The following ETNK1 variants were observed in gnomAD, a reference collection of about 807,000 sequenced individuals.
The protein encoded by ETNK1 is ethanolamine kinase 1.
In ETNK1, 8 loss-of-function variants were observed where a neutral mutation model predicts 45.1. The observed-to-expected ratio is 0.18, with a 90% CI of 0.10 to 0.32. The LOEUF (loss-of-function observed/expected upper bound fraction) is 0.32, where lower values mean the gene tolerates loss of function less well. Among genes scored for constraint, ETNK1 ranks in the 10% least tolerant of loss-of-function variants. The pLI is 1.00. For synonymous variants in ETNK1, 152 were observed against 151.9 expected (o/e 1.00, Z -0.01); for missense variants, 302 against 430.6 (o/e 0.70, Z 2.64).
chr12:22,639,882 T>C (rs1953712714), intron 1 of ETNK1, among the ~76,000 whole-genome samples: 3 of 152,218 alleles, frequency 2.0e-5, no homozygotes, highest in South Asian at 4.1e-4. Flanking sequence ...CTGAATACTT[T>C]TTCTGTTGTA....
chr12:22,658,355 C>T (rs1486852768), intron 2 of ETNK1, among the ~76,000 whole-genome samples: 1 of 152,150 alleles, frequency 6.6e-6, no homozygotes, highest in Non-Finnish European at 1.5e-5. Context: ...GAATTCTTGC[C>T]AGCTTCAGTG....
rs1953972951 is a variant in ETNK1 at position 22,659,058 on chromosome 12, A to C, written c.461A>C (p.His154Pro). ...GCTAAAATCCATGCTATTCATGCAC[A>C]CAATGGCTGGATCCCCAAATCTAAT... is the stretch of plus-strand genomic sequence containing the variant. The part of the protein sequence containing the change: ...QLAKIHAIHA[H>P]NGWIPKSNLW... Residue 154 changes from histidine to proline, a missense_variant, in exon 3 of 8, where the codon CAC becomes CCC. His to Pro is a moderately conservative substitution (Grantham distance 77). Coordinates refer to ENST00000266517, the MANE Select transcript of ETNK1 (RefSeq NM_018638.5). 6.2e-7 allele frequency: 1 copy of C among 1,613,950 alleles called. No individual in the cohort carries two copies. Among genetic ancestry groups the C allele is most frequent in the Non-Finnish European group, 8.5e-7 (1 of 1,179,958 alleles).
chr12:22,667,154 AAG>A (rs1425863700), intron 4 of ETNK1, among the ~76,000 whole-genome samples: 1 of 152,190 alleles, frequency 6.6e-6, no homozygotes, highest in Non-Finnish European at 1.5e-5. Context: ...GTTATGAAGA[AAG>A]AGTGACCTAA....
At position 22,685,302 on chromosome 12, in the gene ETNK1, T is replaced by C. The variant is rs998675868; in HGVS notation, c.*348T>C. ...TTTTCTCTGTTTCACGTTCGTTGAGTGTAAGCAATGAAAATGTCCCAAATA... is the reference window on the plus strand; with the variant it reads ...TTTTCTCTGTTTCACGTTCGTTGAGCGTAAGCAATGAAAATGTCCCAAATA... On this transcript the variant is annotated 3_prime_UTR_variant, in exon 8 of 8. Coordinates refer to ENST00000266517, the MANE Select transcript of ETNK1 (RefSeq NM_018638.5). 10 of 170,778 alleles carry C rather than the reference T, an allele frequency of 5.9e-5. No individual in the cohort carries two copies. The highest frequency in any genetic ancestry group is 4.4e-4 in the Admixed American group (7 of 16,036). 10.6% of individuals were successfully genotyped at this position (170,778 alleles called of 1,614,324 possible). A position where few individuals can be genotyped will look rare whatever the true frequency, so the allele number is the denominator to read the frequency against.
chr12:22,625,464 C>A lies in ETNK1; in HGVS notation c.34C>A (p.Pro12Thr). ...ANYIHVPPGS[P>T]EVPKLNVTVQ... is the part of the protein sequence containing the mutation. ...TTACATCCACGTCCCTCCCGGCTCC[C>A]CGGAGGTGCCCAAGCTGAACGTCAC... The change falls in exon 1 of 8, where the codon CCG becomes ACG. Residue 12 changes from proline to threonine, a missense_variant. By Grantham distance (38) the Pro-to-Thr change is conservative. Transcript: ENST00000266517. 6.2e-7 allele frequency: 1 copy of A among 1,600,120 alleles called. No individual in the cohort carries two copies. Among genetic ancestry groups the A allele is most frequent in the Non-Finnish European group, 8.5e-7 (1 of 1,173,868 alleles).
chr12:22,670,902 T>C (rs1466720875), intron 4 of ETNK1, among the ~76,000 whole-genome samples: 4 of 152,240 alleles, frequency 2.6e-5, no homozygotes, highest in Non-Finnish European at 4.4e-5. Context: ...CACAGATTAT[T>C]AGTAATTTCC....
In ETNK1 at chr12:22,690,300, T is replaced by C. The variant is rs1256102065; in HGVS notation, c.*5346T>C. 1 of 152,546 alleles carries C rather than the reference T, an allele frequency of 6.6e-6. No individual in the cohort carries two copies. The highest frequency in any genetic ancestry group is 1.5e-5 in the Non-Finnish European group (1 of 67,944). 9.4% of individuals were successfully genotyped at this position (152,546 alleles called of 1,614,324 possible). A position where few individuals can be genotyped will look rare whatever the true frequency, so the allele number is the denominator to read the frequency against. ...ATCTGTCTGAGAATTTGTTAATCTG[T>C]TTGATAATGAAGATACTTCCTGTTT... On this transcript the variant is annotated 3_prime_UTR_variant, in exon 8 of 8. Transcript: ENST00000266517.
intron 6 of ETNK1, among the ~76,000 whole-genome samples, chr12:22,675,420 A>G (rs1954150516): frequency 6.6e-6 from 1 of 151,802 alleles, no homozygotes; most frequent in African/African-American, 2.4e-5. Context: ...CAGTGGTACG[A>G]TCATAGCTCA....
At chr12:22,635,092 C>G (rs1434650631) in intron 1 of ETNK1, among the ~76,000 whole-genome samples, 1 of 152,224 alleles carries the variant, frequency 6.6e-6, no homozygotes, top group Admixed American at 6.5e-5. Context: ...CTTTCCACCC[C>G]TTCTCACCAA....
In ETNK1 at chr12:22,690,456, C is replaced by G. The variant is rs911003512; in HGVS notation, c.*5502C>G. ...ATTAAAAACAGCCTCATTCATGTAACTGGTTAAGTAAAAATACATTTTCAC... is the reference window on the plus strand; with the variant it reads ...ATTAAAAACAGCCTCATTCATGTAAGTGGTTAAGTAAAAATACATTTTCAC... On this transcript the variant is annotated 3_prime_UTR_variant, in exon 8 of 8. Transcript: ENST00000266517. 1.3e-5 allele frequency: 2 copies of G among 152,484 alleles called. No individual in the cohort carries two copies. The highest frequency in any genetic ancestry group is 2.4e-5 in the African/African-American group (1 of 41,422). The allele number at this position is 152,484 out of a possible 1,614,324, so 9.4% of individuals were successfully genotyped here. A position where few individuals can be genotyped will look rare whatever the true frequency, so the allele number is the denominator to read the frequency against.
At chr12:22,644,118 T>C in intron 2 of ETNK1, 96 bp downstream of exon 2, 1 of 1,484,428 alleles carries the variant, frequency 6.7e-7, no homozygotes, top group African/African-American at 1.4e-5. Flanking sequence ...TGAGCAACTA[T>C]TTGGTTAACT....
intron 1 of ETNK1, 195 bp downstream of exon 1, chr12:22,625,781 GAGAT>G: frequency 1.2e-6 from 1 of 824,284 alleles, no homozygotes; most frequent in South Asian, 1.4e-5. Context: ...GTTGCTCTTT[GAGAT>G]TGACCTGAGG....
intron 6 of ETNK1, among the ~76,000 whole-genome samples, chr12:22,680,826 A>G (rs1402004424): frequency 1.3e-5 from 2 of 151,886 alleles, no homozygotes; most frequent in Non-Finnish European, 2.9e-5. Flanking sequence ...GGTGGCAAAC[A>G]AAAGTAGGTA....
intron 1 of ETNK1, among the ~76,000 whole-genome samples, chr12:22,637,088 A>G (rs1953665118): frequency 1.3e-5 from 2 of 151,910 alleles, no homozygotes; most frequent in African/African-American, 4.8e-5. Context: ...TGTCCTGCAT[A>G]CTCTAGCTGT....
chr12:22,642,707 A>G (rs1953754945), intron 1 of ETNK1, among the ~76,000 whole-genome samples: 1 of 152,036 alleles, frequency 6.6e-6, no homozygotes, highest in South Asian at 2.1e-4. Context: ...CATACTTTTA[A>G]AACTTCTGTT....
chr12:22,675,345 G>A (rs1285991301), intron 6 of ETNK1, among the ~76,000 whole-genome samples: 1 of 151,752 alleles, frequency 6.6e-6, no homozygotes, highest in Non-Finnish European at 1.5e-5. Flanking sequence ...ATAGGTATGA[G>A]CCATCATGCC....
In ETNK1 at chr12:22,689,648, A is replaced by C. The variant is rs920172663; in HGVS notation, c.*4694A>C. Reference sequence around the variant, plus strand: ...ATGCATTAGTTAAATTTCAAAACTCATAATAAAGGAACTTTCAGAGATTGG... The same window carrying C: ...ATGCATTAGTTAAATTTCAAAACTCCTAATAAAGGAACTTTCAGAGATTGG... On this transcript the variant is annotated 3_prime_UTR_variant, in exon 8 of 8. Coordinates refer to ENST00000266517, the MANE Select transcript of ETNK1 (RefSeq NM_018638.5). 1 of 152,050 alleles carries C rather than the reference A, an allele frequency of 6.6e-6. No homozygotes were observed. Among genetic ancestry groups the C allele is most frequent in the African/African-American group, 2.4e-5 (1 of 41,454 alleles). 9.4% of individuals were successfully genotyped at this position (152,050 alleles called of 1,614,324 possible). A position where few individuals can be genotyped will look rare whatever the true frequency, so the allele number is the denominator to read the frequency against.
chr12:22,672,512 C>T (rs1954119677), intron 5 of ETNK1, among the ~76,000 whole-genome samples: 1 of 152,086 alleles, frequency 6.6e-6, no homozygotes, highest in South Asian at 2.1e-4. Flanking sequence ...TTTTACGTAT[C>T]TCATCTATGG....
At chr12:22,663,181 A>G (rs1176367148) in intron 4 of ETNK1, among the ~76,000 whole-genome samples, 2 of 152,212 alleles carry the variant, frequency 1.3e-5, no homozygotes, top group African/African-American at 4.8e-5. Context: ...ACTACATTAT[A>G]TACTGGTAAC....
Sources: allele counts gnomAD v4.1 joint callset (sites outside exome capture counted in the v4.1 genomes callset), GRCh38; gene constraint gnomAD v4.1.1; transcripts MANE v1.5; gene names NCBI Gene and HGNC (gene_info 2026-07-23, HGNC 2026-07-21).